PRCP: variants seen among roughly 807,000 people sequenced by gnomAD.
The protein encoded by PRCP is lysosomal Pro-X carboxypeptidase.
In PRCP, 46 loss-of-function variants were observed where a neutral mutation model predicts 54.2. The ratio of observed to expected loss-of-function variants is 0.85; its 90% confidence interval spans 0.67 to 1.09. The LOEUF is 1.09. Among genes scored for constraint, PRCP ranks in the 50% least tolerant of loss-of-function variants. The probability of loss-of-function intolerance (pLI) is 0.00; values close to 1 mark genes in which losing one functional copy is unlikely to be tolerated. For missense variants in PRCP, 613 were observed against 596.8 expected (o/e 1.03, Z -0.28); for synonymous variants, 240 against 212.2 (o/e 1.13, Z -1.14).
intron 2 of PRCP, among the ~76,000 whole-genome samples, chr11:82,854,691 C>A (rs1859039301): frequency 6.6e-6 from 1 of 151,774 alleles, no homozygotes; most frequent in East Asian, 1.9e-4. Flanking sequence ...AACAAACAAA[C>A]AAACAAAAAA....
At chr11:82,879,241 C>G (rs1428819119) in intron 1 of PRCP, among the ~76,000 whole-genome samples, 3 of 152,178 alleles carry the variant, frequency 2.0e-5, no homozygotes, top group Non-Finnish European at 4.4e-5. Context: ...TCTTTTTACT[C>G]TTTTTTCTCT....
At chr11:82,844,399 G>A (rs1338233788) in intron 6 of PRCP, among the ~76,000 whole-genome samples, 1 of 151,840 alleles carries the variant, frequency 6.6e-6, no homozygotes, top group East Asian at 1.9e-4. Flanking sequence ...CTCCAGCCTG[G>A]GTAACAGAAT....
chr11:82,866,726 AT>A (rs112185054), intron 1 of PRCP, among the ~76,000 whole-genome samples: 2,100 of 145,864 alleles, frequency 0.014, 42 homozygotes, highest in African/African-American at 0.047. Flanking sequence ...ATTGTTTTTA[AT>A]TTTTTTTTTT....
intron 1 of PRCP, among the ~76,000 whole-genome samples, chr11:82,888,104 A>G (rs983556841): frequency 5.3e-5 from 8 of 152,186 alleles, no homozygotes; most frequent in African/African-American, 1.9e-4. Context: ...CTCTTGTTAA[A>G]CTGTATTTTA....
chr11:82,853,213 A>G lies in PRCP; in HGVS notation c.375T>C (p.Tyr125=), dbSNP rs151103652. The part of the protein sequence containing the change: ...AMLVFAEHRY[Y]GESLPFGDNS... ...TGTCACCAAAGGGGAGAGACTCTCC[A>G]TAGTATCGATGTTCAGCAAACACCA... The change falls in exon 3 of 9, where the codon TAT becomes TAC. Residue 125 remains tyrosine (Y), a synonymous_variant. Coordinates refer to ENST00000313010, the MANE Select transcript of PRCP (RefSeq NM_005040.4). The G allele has an allele frequency of 5.1e-5, 83 of 1,612,530 alleles. No homozygotes were observed. The Middle Eastern group carries it at 9.9e-4, about 19-fold the overall frequency.
At chr11:82,877,376 G>A (rs1349583901) in intron 1 of PRCP, among the ~76,000 whole-genome samples, 1 of 152,132 alleles carries the variant, frequency 6.6e-6, no homozygotes, top group Non-Finnish European at 1.5e-5. Context: ...TAATCCCCAA[G>A]ACCATGGGGA....
chr11:82,849,993 T>A lies in PRCP; in HGVS notation c.672A>T (p.Thr224=). The A allele has an allele frequency of 6.4e-7, 1 of 1,563,346 alleles. No individual in the cohort carries two copies. The highest frequency in any genetic ancestry group is 2.4e-5 in the East Asian group (1 of 41,610). ...PCGVFMKIVT[T]DFRKSGPHCS... The stretch of plus-strand genomic sequence containing the variant: ...AATGTGGACCGCTTTTCCTAAAATC[T>A]GTAGTTACGATCTTCATAAATACAC... The change falls in exon 5 of 9, where the codon ACA becomes ACT. Residue 224 remains threonine (T), a synonymous_variant. Coordinates refer to ENST00000313010, the MANE Select transcript of PRCP (RefSeq NM_005040.4).
intron 1 of PRCP, among the ~76,000 whole-genome samples, chr11:82,860,573 A>G (rs893433116): frequency 1.8e-4 from 28 of 152,068 alleles, no homozygotes; most frequent in Non-Finnish European, 4.4e-5. Context: ...TATATTTATC[A>G]TTTTTTGTGA....
chr11:82,853,973 C>A (rs1417889557), intron 2 of PRCP, among the ~76,000 whole-genome samples: 1 of 152,104 alleles, frequency 6.6e-6, no homozygotes, highest in Admixed American at 6.5e-5. Context: ...GGTAAAAATT[C>A]TCAAAAAAGT....
At chr11:82,868,348 AAT>A (rs1442904954) in intron 1 of PRCP, among the ~76,000 whole-genome samples, 1 of 152,240 alleles carries the variant, frequency 6.6e-6, no homozygotes, top group African/African-American at 2.4e-5. Context: ...TTCATTTAAA[AAT>A]ACTTATTGAG....
chr11:82,890,390 T>C (rs915560635), intron 1 of PRCP, among the ~76,000 whole-genome samples: 1 of 152,156 alleles, frequency 6.6e-6, no homozygotes, highest in African/African-American at 2.4e-5. Flanking sequence ...TCTGTGCCTA[T>C]ATGATGTGCC....
intron 6 of PRCP, 110 bp downstream of exon 6, chr11:82,848,939 C>G (rs1858876213): frequency 1.8e-6 from 2 of 1,134,534 alleles, no homozygotes; most frequent in Admixed American, 4.9e-5. Context: ...GTTTGACAAA[C>G]TCTGGAGCCC....
At chr11:82,900,881 G>C, upstream of PRCP, 2 of 457,292 alleles carry the variant, frequency 4.4e-6, no homozygotes, top group South Asian at 3.1e-5. Context: ...CAGCTACCAT[G>C]ACAATTTATT....
intron 6 of PRCP, among the ~76,000 whole-genome samples, chr11:82,846,758 A>G (rs1482946583): frequency 3.9e-5 from 6 of 152,268 alleles, no homozygotes; most frequent in African/African-American, 1.4e-4. Context: ...AGAAGAACAA[A>G]GGATAAAATA....
chr11:82,900,449 CCAG>C (rs756790955), upstream of PRCP: 18 of 1,588,538 alleles, frequency 1.1e-5, no homozygotes, highest in East Asian at 4.1e-4. Context: ...GAAAAGGAGG[CCAG>C]CAGAAGCGCA....
intron 1 of PRCP, among the ~76,000 whole-genome samples, chr11:82,888,132 A>G (rs1859911567): frequency 6.6e-6 from 1 of 152,230 alleles, no homozygotes; most frequent in Non-Finnish European, 1.5e-5. Context: ...GGCATTGACC[A>G]TGACCCTTAT....
At chr11:82,864,064 T>A (rs1342834415) in intron 1 of PRCP, among the ~76,000 whole-genome samples, 2 of 152,206 alleles carry the variant, frequency 1.3e-5, no homozygotes, top group Non-Finnish European at 2.9e-5. Context: ...CAGGCATAGT[T>A]CCAGATATAT....
intron 2 of PRCP, among the ~76,000 whole-genome samples, chr11:82,857,689 C>T (rs1339292634): frequency 6.6e-6 from 1 of 152,152 alleles, no homozygotes; most frequent in Non-Finnish European, 1.5e-5. Context: ...AGACTAAGAA[C>T]CTCAAGTGTT....
At chr11:82,858,446 G>C (rs1367915156) in intron 2 of PRCP, 2 of 152,282 alleles carry the variant, frequency 1.3e-5, no homozygotes, top group African/African-American at 4.8e-5. Flanking sequence ...CTCTGGGGCT[G>C]CGGATGGGCC....
Sources: gnomAD v4.1 joint callset for allele counts (sites outside exome capture counted in the v4.1 genomes callset) on GRCh38, gnomAD v4.1.1 for gene constraint, MANE v1.5 for transcripts, NCBI Gene and HGNC (gene_info 2026-07-23, HGNC 2026-07-21) for gene names.